The following EXOC6B variants were observed in gnomAD, a reference collection of about 807,000 sequenced individuals.
The protein encoded by EXOC6B is exocyst complex component 6B, also known as SEC15 homolog B.
Under a neutral mutation model 113.5 loss-of-function variants are expected in EXOC6B, and 54 were observed. The observed-to-expected ratio is 0.48, with a 90% CI of 0.38 to 0.60. EXOC6B has a LOEUF of 0.60. EXOC6B is among the 20% of genes least tolerant of loss of function. EXOC6B has a pLI of 0.00. For missense variants in EXOC6B, 797 were observed against 977.5 expected, an observed-to-expected ratio of 0.82 and a Z score of 2.46; for synonymous variants, 357 against 339.0, an observed-to-expected ratio of 1.05 and a Z score of -0.58.
intron 8 of EXOC6B, among the ~76,000 whole-genome samples, chr2:72,537,242 T>C (rs1702346533): frequency 1.3e-5 from 2 of 152,280 alleles, no homozygotes; most frequent in East Asian, 1.9e-4. Flanking sequence ...AAAGTTTAGT[T>C]ATCCAGTAAG....
chr2:72,649,668 C>T (rs1288796517), intron 6 of EXOC6B, among the ~76,000 whole-genome samples: 3 of 151,858 alleles, frequency 2.0e-5, no homozygotes, highest in African/African-American at 7.3e-5. Context: ...AGCAGTCTAC[C>T]TTATTGCAAG....
At chr2:72,672,423 C>T (rs1403867886) in intron 6 of EXOC6B, among the ~76,000 whole-genome samples, 2 of 151,266 alleles carry the variant, frequency 1.3e-5, no homozygotes, top group African/African-American at 4.9e-5. Context: ...GAGGTCAGGA[C>T]ATCGAGACCA....
chr2:72,343,046 G>C (rs1381683242), intron 19 of EXOC6B, among the ~76,000 whole-genome samples: 2 of 152,166 alleles, frequency 1.3e-5, no homozygotes, highest in Non-Finnish European at 2.9e-5. Flanking sequence ...TAAGCCTAGT[G>C]TGGGGATCTT....
At chr2:72,334,448 C>G (rs1194693611) in intron 20 of EXOC6B, among the ~76,000 whole-genome samples, 1 of 152,102 alleles carries the variant, frequency 6.6e-6, no homozygotes, top group Non-Finnish European at 1.5e-5. Flanking sequence ...TGACAACATT[C>G]TACAAAGGAG....
intron 16 of EXOC6B, among the ~76,000 whole-genome samples, chr2:72,490,001 A>G (rs1284632833): frequency 6.6e-6 from 1 of 152,128 alleles, no homozygotes; most frequent in Non-Finnish European, 1.5e-5. Flanking sequence ...GGGCAGGCAG[A>G]GAGACATTTG....
intron 20 of EXOC6B, among the ~76,000 whole-genome samples, chr2:72,311,502 C>G (rs959115856): frequency 6.6e-6 from 1 of 152,014 alleles, no homozygotes; most frequent in Non-Finnish European, 1.5e-5. Context: ...CTTCTTCTAC[C>G]TCATCTCTCT....
chr2:72,251,834 T>C (rs1683037880), intron 20 of EXOC6B, among the ~76,000 whole-genome samples: 1 of 152,220 alleles, frequency 6.6e-6, no homozygotes, highest in South Asian at 2.1e-4. Context: ...GTTTAGCATG[T>C]GTAAAACCTC....
At chr2:72,674,514 T>C (rs1371707293) in intron 6 of EXOC6B, among the ~76,000 whole-genome samples, 40 of 152,140 alleles carry the variant, frequency 2.6e-4, no homozygotes, top group African/African-American at 2.4e-5. Context: ...GTCTATCGAG[T>C]GGTAATGAAT....
chr2:72,769,316 C>T (rs1049114378), intron 1 of EXOC6B, among the ~76,000 whole-genome samples: 6 of 151,704 alleles, frequency 4.0e-5, no homozygotes, highest in Admixed American at 1.3e-4. Flanking sequence ...GGTGACTCTA[C>T]GAAATAATAA....
intron 2 of EXOC6B, among the ~76,000 whole-genome samples, chr2:72,737,731 A>G (rs1681053684): frequency 6.6e-6 from 1 of 152,016 alleles, no homozygotes; most frequent in Non-Finnish European, 1.5e-5. Context: ...GTGCACCTGT[A>G]ATTCCAGCTA....
chr2:72,186,722 C>T (rs1189147175), intron 20 of EXOC6B, among the ~76,000 whole-genome samples: 1 of 152,090 alleles, frequency 6.6e-6, no homozygotes, highest in African/African-American at 2.4e-5. Context: ...AAATGAATTC[C>T]TAATTTCTGT....
rs1377924841 is a variant in EXOC6B, at chr2:72,250,039, A to T, written c.2197-65852T>A. On this transcript the variant is annotated intron_variant, in intron 20 of 21. Transcript: ENST00000272427. ...CTGTAGAAACCTTATTGTCTGGCAC[A>T]TGGTAATACACTTCCTAGCGACTGA... 2.0e-5 allele frequency among the ~76,000 whole-genome samples: 3 copies of T among 152,244 alleles called. No individual in the cohort carries two copies. In the East Asian group the frequency reaches 5.8e-4, roughly 29 times the overall value.
chr2:72,208,302 T>A (rs377512716), intron 20 of EXOC6B, among the ~76,000 whole-genome samples: 81 of 152,130 alleles, frequency 5.3e-4, no homozygotes, highest in African/African-American at 1.8e-3. Context: ...GTGAGCTCAA[T>A]GTTTTGTTCC....
intron 16 of EXOC6B, 135 bp downstream of exon 16, chr2:72,492,183 C>T (rs1699774033): frequency 2.3e-6 from 1 of 442,080 alleles, no homozygotes; most frequent in East Asian, 3.3e-5. Context: ...CAAGAGATTT[C>T]ATTTTGCACT....
intron 6 of EXOC6B, among the ~76,000 whole-genome samples, chr2:72,594,996 T>C (rs1992799): frequency 0.93 from 141,005 of 152,210 alleles, 65,415 homozygotes; most frequent in East Asian, 0.99. Context: ...CAGTGGCTCA[T>C]GCCTGTAATC....
At chr2:72,397,557 T>C (rs1573026385) in intron 18 of EXOC6B, among the ~76,000 whole-genome samples, 1 of 150,030 alleles carries the variant, frequency 6.7e-6, no homozygotes, top group African/African-American at 2.5e-5. Context: ...GAGGCAGAGG[T>C]TGCAGTAAGC....
At chr2:72,804,720 C>T (rs1334091528) in intron 1 of EXOC6B, among the ~76,000 whole-genome samples, 1 of 151,874 alleles carries the variant, frequency 6.6e-6, no homozygotes, top group Non-Finnish European at 1.5e-5. Context: ...CTCAGCCTCC[C>T]GAGTAGCTGG....
chr2:72,813,856 ACT>A (rs1686061473), intron 1 of EXOC6B, among the ~76,000 whole-genome samples: 2 of 152,206 alleles, frequency 1.3e-5, no homozygotes. Flanking sequence ...TAGATATTTC[ACT>A]GGACAATGTG....
chr2:72,471,417 T>G (rs545522119), intron 17 of EXOC6B, among the ~76,000 whole-genome samples: 1 of 152,364 alleles, frequency 6.6e-6, no homozygotes, highest in African/African-American at 2.4e-5. Flanking sequence ...GTAGGTTGCC[T>G]GTTCACTCTG....
Sources: allele counts gnomAD v4.1 joint callset (sites outside exome capture counted in the v4.1 genomes callset), GRCh38; gene constraint gnomAD v4.1.1; transcripts MANE v1.5; gene names NCBI Gene and HGNC (gene_info 2026-07-23, HGNC 2026-07-21).